Variants in FAM227A observed in about 807,000 individuals in gnomAD.
FAM227A encodes the protein protein FAM227A.
FAM227A carries 80 observed loss-of-function variants against 74.7 expected under a neutral mutation model. That is an observed-to-expected ratio of 1.07 (90% confidence interval 0.89 to 1.29). The LOEUF (loss-of-function observed/expected upper bound fraction) is 1.29. Ranked by LOEUF, FAM227A falls within the 50% of genes most tolerant of loss-of-function variation. The pLI is 0.00. For synonymous variants in FAM227A, 237 were observed against 241.8 expected (o/e 0.98, Z 0.19); for missense variants, 654 against 683.4 (o/e 0.96, Z 0.48).
chr22:38,595,238 C>T (rs2091020397), intron 15 of FAM227A, among the ~76,000 whole-genome samples: 2 of 152,202 alleles, frequency 1.3e-5, no homozygotes, highest in Admixed American at 6.5e-5. Context: ...CCCTCTTTCT[C>T]GTTTGTAAAC....
At chr22:38,652,158 C>G (rs1036488674) in intron 1 of FAM227A, among the ~76,000 whole-genome samples, 17 of 151,400 alleles carry the variant, frequency 1.1e-4, no homozygotes, top group Admixed American at 2.0e-4. Flanking sequence ...TGCATTCCAG[C>G]CTGAAAGACA....
intron 11 of FAM227A, among the ~76,000 whole-genome samples, chr22:38,613,194 A>ATGCTG (rs2091471993): frequency 1.0e-4 from 8 of 79,636 alleles, no homozygotes; most frequent in African/African-American, 4.4e-4. Flanking sequence ...TAATATATAT[A>ATGCTG]TATTATATTA....
intron 6 of FAM227A, among the ~76,000 whole-genome samples, chr22:38,635,146 G>A (rs1010847898): frequency 6.7e-6 from 1 of 148,592 alleles, no homozygotes; most frequent in Admixed American, 6.8e-5. Context: ...GGAATCGCCT[G>A]AATCAGGGAG....
At chr22:38,655,659 A>T (rs1183875317) in intron 1 of FAM227A, among the ~76,000 whole-genome samples, 2 of 152,338 alleles carry the variant, frequency 1.3e-5, no homozygotes, top group South Asian at 2.1e-4. Context: ...TTTACTTTTT[A>T]AAAAATGTGG....
chr22:38,633,204 C>T (rs552778091), intron 6 of FAM227A, among the ~76,000 whole-genome samples: 33 of 152,160 alleles, frequency 2.2e-4, no homozygotes, highest in Non-Finnish European at 4.1e-4. Context: ...CTTTCGAAGA[C>T]GGGGCACAAA....
chr22:38,628,318 G>C lies in FAM227A; in HGVS notation c.646C>G (p.Leu216Val). ...YQPNKELQNN[L>V]FDRIAQHYAL... Reference sequence around the variant, plus strand: ...TAGTGCTGGGCTATCCGGTCAAACAGATTATTCTGGAGCTCCTTGTTTGGC... The same window carrying C: ...TAGTGCTGGGCTATCCGGTCAAACACATTATTCTGGAGCTCCTTGTTTGGC... The change falls in exon 8 of 17, where the codon CTG (leucine) becomes GTG (valine). Residue 216 changes from leucine to valine, a missense_variant. Physicochemically the swap from Leu to Val is conservative, Grantham distance 32. Coordinates refer to ENST00000535113, the MANE Select transcript of FAM227A (RefSeq NM_001013647.2). 1 of 1,551,298 alleles carries C rather than the reference G, an allele frequency of 6.4e-7. No homozygotes were observed. The highest frequency in any genetic ancestry group is 8.7e-7 in the Non-Finnish European group (1 of 1,146,666).
chr22:38,594,027 C>T (rs575102480), intron 15 of FAM227A, among the ~76,000 whole-genome samples: 14 of 152,116 alleles, frequency 9.2e-5, no homozygotes, highest in Non-Finnish European at 1.8e-4. Context: ...TGTTACTTAC[C>T]ATCTGATCTT....
rs528567546 is a variant in FAM227A, at chr22:38,650,023, A to G, written c.142+4T>C. ...GATTGTAGGTGACATCACCAGAAGG[A>G]TACAGGGTGGATTGTTCTCTAACTC... On this transcript the variant is annotated splice_donor_region_variant and intron_variant, in intron 2 of 16. Transcript: ENST00000535113. The G allele has an allele frequency of 3.5e-5, 55 of 1,552,256 alleles. No individual in the cohort carries two copies. In the African/African-American group the frequency reaches 7.4e-4, roughly 21 times the overall value.
chr22:38,640,371 T>C (rs1318788181), intron 3 of FAM227A, among the ~76,000 whole-genome samples: 1 of 151,990 alleles, frequency 6.6e-6, no homozygotes, highest in East Asian at 1.9e-4. Flanking sequence ...ATAAAGTGTT[T>C]AATGTATTTT....
At chr22:38,634,686 G>A (rs780517443) in intron 6 of FAM227A, among the ~76,000 whole-genome samples, 2 of 152,176 alleles carry the variant, frequency 1.3e-5, no homozygotes, top group Non-Finnish European at 2.9e-5. Flanking sequence ...TAGGGAACGT[G>A]ATGCTCTGAG....
At position 38,587,823 on chromosome 22, in the gene FAM227A, AT is replaced by A. The variant is rs757170408; in HGVS notation, c.1639-1625del. Among the ~76,000 whole-genome samples, 25 of 152,380 alleles carry A rather than the reference AT, an allele frequency of 1.6e-4. No homozygotes were observed. The South Asian group carries it at 2.1e-3, about 13-fold the overall frequency. On this transcript the variant is annotated intron_variant, in intron 16 of 16. Transcript: ENST00000535113. The stretch of plus-strand genomic sequence containing the variant: ...CTTCCTTAAGAATACAAATGCAGAG[AT>A]CTTCAACAAATACTAAAATATTAAA...
At chr22:38,620,094 T>C in intron 11 of FAM227A, 118 bp downstream of exon 11, 1 of 690,164 alleles carries the variant, frequency 1.4e-6, no homozygotes, top group South Asian at 1.8e-5. Flanking sequence ...GGAGTGGACC[T>C]GGGCAAGGGG....
chr22:38,612,360 G>A (rs1239124990), intron 11 of FAM227A, among the ~76,000 whole-genome samples: 1 of 152,122 alleles, frequency 6.6e-6, no homozygotes, highest in Admixed American at 6.5e-5. Context: ...ACTCTCTGGG[G>A]TACAGTATTG....
At chr22:38,630,893 C>G (rs754665689) in intron 6 of FAM227A, among the ~76,000 whole-genome samples, 1 of 152,186 alleles carries the variant, frequency 6.6e-6, no homozygotes, top group Admixed American at 6.5e-5. Flanking sequence ...GATGGCCAGG[C>G]GCAGTGGCTC....
intron 8 of FAM227A, among the ~76,000 whole-genome samples, chr22:38,626,901 T>A (rs866333602): frequency 3.7e-4 from 36 of 97,692 alleles, no homozygotes; most frequent in African/African-American, 7.7e-4. Flanking sequence ...AATATATATA[T>A]ATATATATAT....
intron 8 of FAM227A, among the ~76,000 whole-genome samples, chr22:38,626,865 CAAAAA>C (rs67498232): frequency 2.4e-4 from 4 of 16,794 alleles, no homozygotes; most frequent in Admixed American, 2.4e-3. Context: ...GACTCTGTCT[CAAAAA>C]AAAAAAAAAA....
At chr22:38,649,440 C>G (rs1009838360) in intron 2 of FAM227A, among the ~76,000 whole-genome samples, 1 of 151,494 alleles carries the variant, frequency 6.6e-6, no homozygotes, top group African/African-American at 2.4e-5. Flanking sequence ...GTGACAGGCG[C>G]CTGTAATCCC....
intron 5 of FAM227A, among the ~76,000 whole-genome samples, chr22:38,636,858 G>A (rs1053037622): frequency 2.1e-5 from 3 of 145,678 alleles, no homozygotes; most frequent in African/African-American, 7.7e-5. Context: ...TGCAACCTCT[G>A]CCTCCTGGTT....
intron 13 of FAM227A, among the ~76,000 whole-genome samples, chr22:38,602,432 T>C (rs2091196896): frequency 6.6e-6 from 1 of 152,210 alleles, no homozygotes; most frequent in African/African-American, 2.4e-5. Flanking sequence ...AACCTGGAGT[T>C]AGCAGGGAAT....
Sources: gnomAD v4.1 joint callset for allele counts (sites outside exome capture counted in the v4.1 genomes callset) on GRCh38, gnomAD v4.1.1 for gene constraint, MANE v1.5 for transcripts, NCBI Gene and HGNC (gene_info 2026-07-23, HGNC 2026-07-21) for gene names.